Variants in DLG1 observed in about 807,000 individuals in gnomAD.
DLG1 encodes the protein discs large MAGUK scaffold protein 1, also known as disks large homolog 1.
A neutral mutation model predicts 123.4 loss-of-function variants in DLG1; 42 were observed. That is an observed-to-expected ratio of 0.34 (90% CI 0.27 to 0.44). The LOEUF is 0.44. Ranked by LOEUF, DLG1 falls within the 20% of genes least tolerant of loss-of-function variation. The pLI is 1.00. For missense variants in DLG1, 942 were observed against 1,082.6 expected (o/e 0.87, Z 1.82); for synonymous variants, 317 against 356.2 (o/e 0.89, Z 1.24).
chr3:197,183,782 T>C, intron 5 of DLG1: 3 of 1,550,198 alleles, frequency 1.9e-6, no homozygotes, highest in Non-Finnish European at 2.6e-6. Flanking sequence ...AGTATAGAAG[T>C]GTGTTGTTTC....
intron 5 of DLG1, among the ~76,000 whole-genome samples, chr3:197,190,734 G>A (rs1397603769): frequency 1.3e-5 from 2 of 152,218 alleles, no homozygotes; most frequent in African/African-American, 4.8e-5. Context: ...TTGTCGGCCG[G>A]GCGCGGTGGC....
intron 4 of DLG1, among the ~76,000 whole-genome samples, chr3:197,241,757 T>G (rs1367001106): frequency 6.6e-6 from 1 of 152,220 alleles, no homozygotes; most frequent in Non-Finnish European, 1.5e-5. Flanking sequence ...TTTTGTGATC[T>G]AAGATAAGTT....
At chr3:197,201,439 A>G (rs951403081) in intron 4 of DLG1, among the ~76,000 whole-genome samples, 2 of 152,218 alleles carry the variant, frequency 1.3e-5, no homozygotes, top group African/African-American at 4.8e-5. Flanking sequence ...AAACTCTCAG[A>G]TTTGGTAAAT....
At position 197,116,405 on chromosome 3, in the gene DLG1, C is replaced by T. The variant is rs530751247; in HGVS notation, c.1287-322G>A. Reference sequence around the variant, plus strand: ...ATACTCATGAAAAGCTGATGTTGCACACTTTATTGCCTTCAAAGCAATCAC... The same window carrying T: ...ATACTCATGAAAAGCTGATGTTGCATACTTTATTGCCTTCAAAGCAATCAC... On this transcript the variant is annotated intron_variant, in intron 12 of 24. Transcript: ENST00000667157. 8.3e-4 allele frequency among the ~76,000 whole-genome samples: 126 copies of T among 152,282 alleles called. No individual in the cohort carries two copies. In the Middle Eastern group the frequency reaches 0.02, roughly 25 times the overall value.
At chr3:197,145,985 C>T (rs939957946) in intron 6 of DLG1, among the ~76,000 whole-genome samples, 4 of 151,138 alleles carry the variant, frequency 2.6e-5, no homozygotes, top group African/African-American at 9.7e-5. Flanking sequence ...CAGAGTGAGA[C>T]ACTGTCTCAA....
intron 3 of DLG1, among the ~76,000 whole-genome samples, 157 bp from the exon 4 acceptor site, chr3:197,283,002 C>T (rs2151158864): frequency 6.6e-6 from 1 of 152,272 alleles, no homozygotes; most frequent in South Asian, 2.1e-4. Context: ...TATCTTATTT[C>T]ATTATATCAC....
rs750847689 is a variant in DLG1 at position 197,081,130 on chromosome 3, A to T, written c.1839-13T>A. The T allele has an allele frequency of 6.2e-7, 1 of 1,607,808 alleles. No individual in the cohort carries two copies. The highest frequency in any genetic ancestry group is 1.1e-5 in the South Asian group (1 of 89,650). On this transcript the variant is annotated splice_polypyrimidine_tract_variant and intron_variant, in intron 16 of 24. Transcript: ENST00000667157. ...TTTCTTCTCAACTCTGTCAAAGTAT[A>T]GAATGTTATTTTTTAAGTAAACCAA...
chr3:197,105,276 T>C (rs1057136572), intron 13 of DLG1, among the ~76,000 whole-genome samples: 3 of 152,184 alleles, frequency 2.0e-5, no homozygotes, highest in Non-Finnish European at 4.4e-5. Context: ...ATCAATCCAT[T>C]GAGAAATGTA....
At chr3:197,065,621 T>TAAA (rs1305265324) in intron 21 of DLG1, 87 bp downstream of exon 21, 5 of 1,074,762 alleles carry the variant, frequency 4.7e-6, no homozygotes, top group Non-Finnish European at 6.9e-6. Flanking sequence ...TACAAACCAT[T>TAAA]AAAAAATGGT....
chr3:197,290,100 G>C (rs1004380134), intron 3 of DLG1, among the ~76,000 whole-genome samples: 1 of 151,936 alleles, frequency 6.6e-6, no homozygotes, highest in African/African-American at 2.4e-5. Flanking sequence ...GCTTGAAAGG[G>C]CCCCCACTGG....
chr3:197,112,599 T>C (rs1770728655), intron 13 of DLG1, among the ~76,000 whole-genome samples: 1 of 152,116 alleles, frequency 6.6e-6, no homozygotes, highest in African/African-American at 2.4e-5. Flanking sequence ...TTCTTTCTTT[T>C]TTTTTGAGAC....
At chr3:197,141,943 G>C (rs1364270878) in intron 7 of DLG1, among the ~76,000 whole-genome samples, 1 of 152,196 alleles carries the variant, frequency 6.6e-6, no homozygotes, top group East Asian at 1.9e-4. Context: ...CTGGCCTCAA[G>C]TGATTCACCC....
At position 197,059,929 on chromosome 3, in the gene DLG1, T is replaced by G. The variant is rs779280165; in HGVS notation, c.2443A>C (p.Ile815Leu). The change falls in exon 23 of 25, where the codon ATC becomes CTC. Residue 815 changes from isoleucine (I) to leucine (L), a missense_variant. Transcript: ENST00000667157. ...KRLQIAQLYP[I>L]SIFIKPKSME... ...GATTTGGGTTTAATAAAAATGGAGA[T>G]AGGGTAAAGCTGTGCAATCTGTAAT... 1 of 1,613,656 alleles carries G rather than the reference T, an allele frequency of 6.2e-7. No individual in the cohort carries two copies. Among genetic ancestry groups the G allele is most frequent in the Non-Finnish European group, 8.5e-7 (1 of 1,179,800 alleles).
intron 4 of DLG1, among the ~76,000 whole-genome samples, chr3:197,252,301 A>T (rs1754819085): frequency 6.6e-6 from 1 of 152,186 alleles, no homozygotes; most frequent in African/African-American, 2.4e-5. Flanking sequence ...TTTCATAGCA[A>T]TATTATTCAC....
intron 11 of DLG1, among the ~76,000 whole-genome samples, chr3:197,128,369 G>A (rs1323997744): frequency 6.6e-6 from 1 of 152,172 alleles, no homozygotes; most frequent in Non-Finnish European, 1.5e-5. Context: ...TCATGAGGTT[G>A]CAGCAATTCA....
At chr3:197,083,646 C>A (rs1359104512) in intron 16 of DLG1, among the ~76,000 whole-genome samples, 1 of 152,096 alleles carries the variant, frequency 6.6e-6, no homozygotes, top group Admixed American at 6.5e-5. Flanking sequence ...GCTAAGTATA[C>A]ACCCATGAAT....
At position 197,158,657 on chromosome 3, in the gene DLG1, A is replaced by G. The variant is rs1433563744; in HGVS notation, c.484-8861T>C. Among the ~76,000 whole-genome samples the G allele has an allele frequency of 1.8e-5, 2 of 110,010 alleles. 1 individual carries two copies. The highest frequency in any genetic ancestry group is 6.1e-4 in the South Asian group (2 of 3,258). The allele number at this position is 110,010 out of a possible 152,430, so 72.2% of individuals were successfully genotyped here. A position where few individuals can be genotyped will look rare whatever the true frequency, so the allele number is the denominator to read the frequency against. On this transcript the variant is annotated intron_variant, in intron 5 of 24. Coordinates refer to ENST00000667157, the MANE Select transcript of DLG1 (RefSeq NM_001366207.1). ...TTCAAAAAAAAAAAAAAAAAAAAAA[A>G]GCCCAGAGGCAGTATGATGCTCTGC...
At chr3:197,120,147 C>T (rs1775501457) in intron 11 of DLG1, among the ~76,000 whole-genome samples, 5 of 151,760 alleles carry the variant, frequency 3.3e-5, no homozygotes, top group Admixed American at 3.3e-4. Context: ...TGTAGTCCCA[C>T]TTACTCGGGA....
intron 4 of DLG1, among the ~76,000 whole-genome samples, chr3:197,252,413 G>A: frequency 6.6e-6 from 1 of 152,148 alleles, no homozygotes. Flanking sequence ...TAAAAGGGTA[G>A]GAAATTTTGA....
Sources: gnomAD v4.1 joint callset for allele counts (sites outside exome capture counted in the v4.1 genomes callset) on GRCh38, gnomAD v4.1.1 for gene constraint, MANE v1.5 for transcripts, NCBI Gene and HGNC (gene_info 2026-07-23, HGNC 2026-07-21) for gene names.